The following WWC1 variants were observed in gnomAD, a reference collection of about 807,000 sequenced individuals.
WWC1 encodes WW and C2 domain containing 1, also known as protein KIBRA.
WWC1 carries 55 observed loss-of-function variants against 138.4 expected under a neutral mutation model. The observed-to-expected ratio is 0.40, with a 90% CI of 0.32 to 0.50. The LOEUF (loss-of-function observed/expected upper bound fraction) is 0.50. Among genes scored for constraint, WWC1 ranks in the 20% least tolerant of loss-of-function variants. The pLI is 0.72. For missense variants in WWC1, 1,226 were observed against 1,420.4 expected, an observed-to-expected ratio of 0.86 and a Z score of 2.20; for synonymous variants, 524 against 564.9, an observed-to-expected ratio of 0.93 and a Z score of 1.03.
intron 15 of WWC1, among the ~76,000 whole-genome samples, chr5:168,440,948 A>G (rs4976553): frequency 0.21 from 32,102 of 152,150 alleles, 3,774 homozygotes; most frequent in East Asian, 0.4. Context: ...GCATACCCAT[A>G]CAGTGGAATA....
At chr5:168,465,407 C>T (rs148221412) in intron 21 of WWC1, among the ~76,000 whole-genome samples, 1 of 152,064 alleles carries the variant, frequency 6.6e-6, no homozygotes, top group Non-Finnish European at 1.5e-5. Flanking sequence ...CCAGGGCCTT[C>T]TGCTAACAAG....
Position 168,401,395 on chromosome 5 carries a change from CTCCCTGACTGCTATACCTTT to C in WWC1, c.590+1832_590+1851del, listed in dbSNP as rs1779300111. Among the ~76,000 whole-genome samples, 3 of 152,150 alleles carry C rather than the reference CTCCCTGACTGCTATACCTTT, an allele frequency of 2.0e-5. 1 individual carries two copies. In the South Asian group the frequency reaches 6.2e-4, roughly 32 times the overall value. ...GATGGCTGTTTCTCGCTTTTTGTCC[CTCCCTGACTGCTATACCTTT>C]TCCTCATTCCATGAATTTCAAATCC... is the stretch of plus-strand genomic sequence containing the variant. On this transcript the variant is annotated intron_variant, in intron 5 of 22. Coordinates refer to ENST00000265293, the MANE Select transcript of WWC1 (RefSeq NM_015238.3).
rs989574107 is a variant in WWC1, at chr5:168,414,341, C to T, written c.942-7C>T. ...ACACCAGTCATGCTTGCTTTCTTGG[C>T]CCCCAGGATCGCCAACCTGAAGATC... is the stretch of plus-strand genomic sequence containing the variant. On this transcript the variant is annotated splice_region_variant and splice_polypyrimidine_tract_variant and intron_variant, in intron 8 of 22. Coordinates refer to ENST00000265293, the MANE Select transcript of WWC1 (RefSeq NM_015238.3). 8 of 1,612,030 alleles carry T rather than the reference C, an allele frequency of 5.0e-6. No individual in the cohort carries two copies. The highest frequency in any genetic ancestry group is 4.5e-5 in the East Asian group (2 of 44,878).
chr5:168,376,309 C>T (rs988402949), intron 2 of WWC1, among the ~76,000 whole-genome samples: 20 of 152,170 alleles, frequency 1.3e-4, no homozygotes, highest in African/African-American at 4.8e-4. Context: ...CTGCCTGGGC[C>T]TCCCAAAGTG....
chr5:168,431,473 G>A (rs868653528), intron 15 of WWC1, 29 bp downstream of exon 15: 3 of 1,505,532 alleles, frequency 2.0e-6, no homozygotes, highest in Non-Finnish European at 2.7e-6. Context: ...TGGCTGGCTG[G>A]CTGGCTGGCT....
In WWC1 at chr5:168,423,641, C is replaced by T. The variant is rs761023261; in HGVS notation, c.1383C>T (p.Ser461=). ...GCCTGGACTCCTCCACTTCAGCCAG[C>T]TTCACTGACCTCTACTATGACCCCT... ...ASSLDSSTSA[S]FTDLYYDPFE... The change falls in exon 11 of 23, where the codon AGC becomes AGT. Residue 461 remains serine, a synonymous_variant. Coordinates refer to ENST00000265293, the MANE Select transcript of WWC1 (RefSeq NM_015238.3). 5 of 1,614,072 alleles carry T rather than the reference C, an allele frequency of 3.1e-6. No homozygotes were observed. Among genetic ancestry groups the T allele is most frequent in the Admixed American group, 3.3e-5 (2 of 60,004 alleles).
chr5:168,399,161 A>G (rs6555807), intron 4 of WWC1, among the ~76,000 whole-genome samples: 70,797 of 151,966 alleles, frequency 0.47, 16,776 homozygotes, highest in South Asian at 0.57. Context: ...ATGGCAAGAC[A>G]GCTTGAGAGA....
At position 168,428,178 on chromosome 5, in the gene WWC1, T is replaced by C; in HGVS notation, c.1919+37T>C. The C allele has an allele frequency of 1.9e-6, 3 of 1,590,752 alleles. No homozygotes were observed. The Admixed American group carries it at 5.1e-5, about 27-fold the overall frequency. On this transcript the variant is annotated intron_variant, in intron 12 of 22. Transcript: ENST00000265293. The stretch of plus-strand genomic sequence containing the variant: ...GGTGCTGGCTCTCTCTGTGGCCCTG[T>C]AAGCCATGAACTCTGAATATCCAGA...
intron 1 of WWC1, among the ~76,000 whole-genome samples, chr5:168,370,288 T>C (rs1308048322): frequency 6.6e-6 from 1 of 152,086 alleles, no homozygotes; most frequent in Non-Finnish European, 1.5e-5. Flanking sequence ...ATTTAATTAA[T>C]CCCCAAGAAG....
chr5:168,439,967 A>C (rs1754603913), intron 15 of WWC1, among the ~76,000 whole-genome samples: 1 of 152,152 alleles, frequency 6.6e-6, no homozygotes, highest in African/African-American at 2.4e-5. Context: ...CCTCACTTGG[A>C]ATTAATTACT....
chr5:168,339,011 A>G (rs1473670635), intron 1 of WWC1, among the ~76,000 whole-genome samples: 1 of 152,216 alleles, frequency 6.6e-6, no homozygotes, highest in Non-Finnish European at 1.5e-5. Context: ...GTTTGAGATA[A>G]TGGGTATGCT....
At chr5:168,445,618 C>T (rs530388147) in intron 17 of WWC1, among the ~76,000 whole-genome samples, 1 of 146,880 alleles carries the variant, frequency 6.8e-6, no homozygotes, top group African/African-American at 2.5e-5. Flanking sequence ...GGGACAATTG[C>T]TTGAACCCAG....
intron 1 of WWC1, among the ~76,000 whole-genome samples, chr5:168,310,071 G>C (rs1770927856): frequency 6.6e-6 from 1 of 152,150 alleles, no homozygotes. Flanking sequence ...ACACACTGCT[G>C]ACCTTCTCGA....
chr5:168,393,943 A>G (rs536001039), intron 3 of WWC1, among the ~76,000 whole-genome samples: 1 of 152,350 alleles, frequency 6.6e-6, no homozygotes, highest in African/African-American at 2.4e-5. Flanking sequence ...GGGGAAAAAA[A>G]GTGCTGAAAA....
At chr5:168,392,043 A>G (rs1031784191) in intron 3 of WWC1, among the ~76,000 whole-genome samples, 3 of 152,198 alleles carry the variant, frequency 2.0e-5, no homozygotes, top group Admixed American at 1.3e-4. Context: ...TTCTAAGACA[A>G]TTAGACCATC....
Position 168,430,123 on chromosome 5 carries a change from C to T in WWC1, c.2001-14C>T, listed in dbSNP as rs536339437. On this transcript the variant is annotated splice_polypyrimidine_tract_variant and intron_variant, in intron 13 of 22. Transcript: ENST00000265293. ...GTTACTAATAGGTACTTCATATGCC[C>T]CTTTTCATTTCAGGTATGATGAGAA... 2.5e-6 allele frequency: 4 copies of T among 1,592,430 alleles called. No individual in the cohort carries two copies. Among genetic ancestry groups the T allele is most frequent in the Non-Finnish European group, 3.4e-6 (4 of 1,160,694 alleles).
intron 11 of WWC1, 137 bp from the exon 12 acceptor site, chr5:168,427,896 G>A: frequency 1.6e-6 from 1 of 631,774 alleles, no homozygotes; most frequent in Non-Finnish European, 2.8e-6. Context: ...AAGTGGTCGA[G>A]GCTGCAGTGA....
chr5:168,320,847 T>A (rs1772010229), intron 1 of WWC1, among the ~76,000 whole-genome samples: 1 of 152,026 alleles, frequency 6.6e-6, no homozygotes, highest in African/African-American at 2.4e-5. Flanking sequence ...GAACTTGGCA[T>A]GTCTGGTTTC....
intron 1 of WWC1, among the ~76,000 whole-genome samples, chr5:168,315,840 G>C (rs1366473381): frequency 6.6e-6 from 1 of 152,158 alleles, no homozygotes; most frequent in African/African-American, 2.4e-5. Flanking sequence ...GGGCCAGAGG[G>C]CGAGCATCAG....
Sources: allele counts gnomAD v4.1 joint callset (sites outside exome capture counted in the v4.1 genomes callset), GRCh38; gene constraint gnomAD v4.1.1; transcripts MANE v1.5; gene names NCBI Gene and HGNC (gene_info 2026-07-23, HGNC 2026-07-21).